WWOX: variants seen among roughly 807,000 people sequenced by gnomAD.
The protein encoded by WWOX is WW domain-containing oxidoreductase.
In WWOX, 69 loss-of-function variants were observed where a neutral mutation model predicts 46.2. The ratio of observed to expected loss-of-function variants is 1.49; its 90% confidence interval spans 1.23 to 1.82. The LOEUF is 1.82. Among genes scored for constraint, WWOX ranks in the 40% most tolerant of loss-of-function variants. WWOX has a pLI of 0.00. For missense variants in WWOX, 919 were observed against 542.6 expected, an observed-to-expected ratio of 1.69 and a Z score of -6.89; for synonymous variants, 359 against 202.6, an observed-to-expected ratio of 1.77 and a Z score of -6.56.
At chr16:78,783,260 G>C (rs9932263) in intron 8 of WWOX, among the ~76,000 whole-genome samples, 1 of 152,056 alleles carries the variant, frequency 6.6e-6, no homozygotes, top group Admixed American at 6.6e-5. Context: ...GATTTCAACA[G>C]GCTCCTGTTA....
intron 5 of WWOX, among the ~76,000 whole-genome samples, chr16:78,316,916 A>ATTT (rs2080367519): frequency 1.3e-5 from 2 of 152,198 alleles, no homozygotes; most frequent in Non-Finnish European, 2.9e-5. Context: ...TTGTGAATTC[A>ATTT]TTATTCGTTT....
chr16:78,528,097 C>T (rs1202723673), intron 8 of WWOX, among the ~76,000 whole-genome samples: 4 of 136,600 alleles, frequency 2.9e-5, no homozygotes, highest in Non-Finnish European at 3.0e-5. Context: ...CTCCTGGGTT[C>T]GTGCCATTCT....
chr16:78,380,092 G>A (rs529740566), intron 5 of WWOX, among the ~76,000 whole-genome samples: 2 of 152,296 alleles, frequency 1.3e-5, no homozygotes, highest in East Asian at 3.9e-4. Flanking sequence ...GAGTGCCCCT[G>A]TATCCGAGGG....
In WWOX at chr16:78,106,911, T is replaced by G. The variant is rs143268032; in HGVS notation, c.108-1512T>G. Among the ~76,000 whole-genome samples, 148 of 152,308 alleles carry G rather than the reference T, an allele frequency of 9.7e-4. 1 individual carries two copies. The highest frequency in any genetic ancestry group is 3.5e-3 in the African/African-American group (145 of 41,572). On this transcript the variant is annotated intron_variant, in intron 1 of 8. Transcript: ENST00000566780. ...CCTGAGGAGACTGGCTGGACTCAGC[T>G]AGCATGGGCTGCTCAGGTCTTCAGC...
chr16:78,261,789 T>G lies in WWOX; in HGVS notation c.516+97500T>G, dbSNP rs1303129389. On this transcript the variant is annotated intron_variant, in intron 5 of 8. Coordinates refer to ENST00000566780, the MANE Select transcript of WWOX (RefSeq NM_016373.4). ...CTATCTATGTATCTATCTATCTATC[T>G]ATATATATATATATATATATATATA... Among the ~76,000 whole-genome samples, 44 of 44,664 alleles carry G rather than the reference T, an allele frequency of 9.9e-4. 1 individual carries two copies. The highest frequency in any genetic ancestry group is 5.6e-3 in the African/African-American group (38 of 6,742). 29.3% of individuals were successfully genotyped at this position (44,664 alleles called of 152,430 possible). A position where few individuals can be genotyped will look rare whatever the true frequency, so the allele number is the denominator to read the frequency against.
At chr16:78,576,459 C>T (rs550991384) in intron 8 of WWOX, among the ~76,000 whole-genome samples, 2 of 152,296 alleles carry the variant, frequency 1.3e-5, no homozygotes, top group Admixed American at 1.3e-4. Flanking sequence ...TTGGATCCTT[C>T]ATTCTTCATG....
chr16:78,571,772 G>T (rs1030899325), intron 8 of WWOX, among the ~76,000 whole-genome samples: 9 of 152,162 alleles, frequency 5.9e-5, no homozygotes, highest in Non-Finnish European at 1.3e-4. Flanking sequence ...GGAGGGTGAA[G>T]CAGGAGAATC....
chr16:78,386,449 A>G (rs951167326), intron 5 of WWOX, among the ~76,000 whole-genome samples: 1 of 152,194 alleles, frequency 6.6e-6, no homozygotes, highest in South Asian at 2.1e-4. Context: ...GATATTTCAG[A>G]ACCTGGATGG....
At chr16:78,232,698 A>G (rs771494880) in intron 5 of WWOX, among the ~76,000 whole-genome samples, 6 of 152,208 alleles carry the variant, frequency 3.9e-5, no homozygotes, top group African/African-American at 1.2e-4. Flanking sequence ...GTTTTTCCTA[A>G]TGGAGGCCCT....
At chr16:78,850,136 C>A (rs928680546) in intron 8 of WWOX, among the ~76,000 whole-genome samples, 1 of 151,686 alleles carries the variant, frequency 6.6e-6, no homozygotes, top group East Asian at 1.9e-4. Flanking sequence ...TTTTCACTAC[C>A]AGTTTCTGTG....
intron 8 of WWOX, chr16:78,506,628 C>G (rs1248872773): frequency 1.3e-5 from 2 of 151,336 alleles, no homozygotes; most frequent in Non-Finnish European, 2.9e-5. Flanking sequence ...TAATTATTAC[C>G]TACCCAAGGT....
At chr16:78,869,595 T>C (rs111879832) in intron 8 of WWOX, among the ~76,000 whole-genome samples, 1,624 of 152,336 alleles carry the variant, frequency 0.011, 25 homozygotes, top group African/African-American at 0.037. Context: ...ATTTTGACAC[T>C]GCGCATGGGC....
At chr16:79,011,538 C>T (rs1414268229) in intron 8 of WWOX, among the ~76,000 whole-genome samples, 1 of 151,140 alleles carries the variant, frequency 6.6e-6, no homozygotes, top group East Asian at 1.9e-4. Context: ...GTCCCCCAGG[C>T]TGGAGTGCAG....
At chr16:78,224,886 ATTTC>A (rs1181170653) in intron 5 of WWOX, among the ~76,000 whole-genome samples, 4 of 152,096 alleles carry the variant, frequency 2.6e-5, no homozygotes, top group African/African-American at 9.7e-5. Flanking sequence ...TGTGTTAACA[ATTTC>A]TTTCTTTTGC....
chr16:78,848,946 C>G (rs1283299665), intron 8 of WWOX, among the ~76,000 whole-genome samples: 7 of 152,080 alleles, frequency 4.6e-5, no homozygotes, highest in South Asian at 4.1e-4. Context: ...GATCATATTT[C>G]TATTTAGGGG....
chr16:78,487,125 A>T (rs1316324992), intron 8 of WWOX, among the ~76,000 whole-genome samples: 1 of 152,232 alleles, frequency 6.6e-6, no homozygotes, highest in Non-Finnish European at 1.5e-5. Context: ...TGATTCTATA[A>T]CAACAGCATG....
chr16:78,581,044 C>T (rs1210800413), intron 8 of WWOX, among the ~76,000 whole-genome samples: 1 of 152,128 alleles, frequency 6.6e-6, no homozygotes. Context: ...AATCAGCCAT[C>T]AGCCTTATTA....
intron 8 of WWOX, among the ~76,000 whole-genome samples, chr16:78,686,617 G>A (rs1393624275): frequency 6.6e-6 from 1 of 152,160 alleles, no homozygotes; most frequent in African/African-American, 2.4e-5. Context: ...TGTGTTTTTG[G>A]AGGAACTCCT....
At chr16:78,670,185 G>C (rs1460016495) in intron 8 of WWOX, among the ~76,000 whole-genome samples, 1 of 152,154 alleles carries the variant, frequency 6.6e-6, no homozygotes, top group African/African-American at 2.4e-5. Context: ...CCTTTCACCA[G>C]CAGGTCCAGC....
Sources: gnomAD v4.1 joint callset for allele counts (sites outside exome capture counted in the v4.1 genomes callset) on GRCh38, gnomAD v4.1.1 for gene constraint, MANE v1.5 for transcripts, NCBI Gene and HGNC (gene_info 2026-07-23, HGNC 2026-07-21) for gene names.